Variants in GABRG2 observed in about 807,000 individuals in gnomAD.
The protein encoded by GABRG2 is gamma-aminobutyric acid receptor subunit gamma-2.
In GABRG2, 16 loss-of-function variants were observed where a neutral mutation model predicts 56.4. The observed-to-expected ratio is 0.28, with a 90% CI of 0.19 to 0.43. The LOEUF is 0.43. Among genes scored for constraint, GABRG2 ranks in the 20% least tolerant of loss-of-function variants. The pLI is 1.00. For missense variants in GABRG2, 327 were observed against 582.7 expected (o/e 0.56, Z 4.52); for synonymous variants, 208 against 205.5 (o/e 1.01, Z -0.10).
chr5:162,100,609 T>C (rs1381571691), intron 4 of GABRG2, among the ~76,000 whole-genome samples: 1 of 152,182 alleles, frequency 6.6e-6, no homozygotes, highest in Non-Finnish European at 1.5e-5. Context: ...ATTTTTCAAA[T>C]ATGTCTGTGT....
chr5:162,097,653 A>G lies in GABRG2; in HGVS notation c.343A>G (p.Ile115Val). The change falls in exon 4 of 10, where the codon ATA becomes GTA. Residue 115 changes from isoleucine to valine, a missense_variant. By Grantham distance (29) the Ile-to-Val change is conservative. Coordinates refer to ENST00000639213, the MANE Select transcript of GABRG2 (RefSeq NM_198904.4). ...NAINMEYTID[I>V]FFAQTWYDRR... Reference sequence around the variant, plus strand: ...ATTAAAACAGGAATACACTATTGATATATTTTTTGCGCAAACGTGGTATGA... The same window carrying G: ...ATTAAAACAGGAATACACTATTGATGTATTTTTTGCGCAAACGTGGTATGA... 1.2e-6 allele frequency: 2 copies of G among 1,612,092 alleles called. No homozygotes were observed. Among genetic ancestry groups the G allele is most frequent in the Non-Finnish European group, 1.7e-6 (2 of 1,178,388 alleles).
In GABRG2 at chr5:162,068,098, C is replaced by T. The variant is rs368162707; in HGVS notation, c.99C>T (p.Leu33=). 21 of 1,611,806 alleles carry T rather than the reference C, an allele frequency of 1.3e-5. No individual in the cohort carries two copies. The highest frequency in any genetic ancestry group is 1.6e-5 in the Non-Finnish European group (19 of 1,178,440). The stretch of plus-strand genomic sequence containing the variant: ...TGTGGATTCTGCTCCTGCTGTCGCT[C>T]TACCCTGGGTAAGATGTGCCCTTTT... The part of the protein sequence containing the change: ...MTVWILLLLS[L]YPGFTSQKSD... The change falls in exon 1 of 10, where the codon CTC becomes CTT. Residue 33 remains leucine, a synonymous_variant. Transcript: ENST00000639213.
chr5:162,098,845 C>T (rs191262713), intron 4 of GABRG2: 2 of 152,246 alleles, frequency 1.3e-5, no homozygotes, highest in East Asian at 3.9e-4. Flanking sequence ...CCCTGTACTG[C>T]CTCTCCCCCG....
chr5:162,074,575 TATA>T (rs1037522967), intron 1 of GABRG2, among the ~76,000 whole-genome samples: 1 of 152,008 alleles, frequency 6.6e-6, no homozygotes, highest in African/African-American at 2.4e-5. Context: ...ACAAGCTGAA[TATA>T]ATATGTCATT....
intron 6 of GABRG2, among the ~76,000 whole-genome samples, chr5:162,125,156 C>T (rs1013177387): frequency 6.6e-6 from 1 of 151,646 alleles, no homozygotes; most frequent in African/African-American, 2.4e-5. Flanking sequence ...AAAACAGAAA[C>T]TTTCACTTTC....
chr5:162,125,941 T>C (rs112675404), intron 6 of GABRG2, among the ~76,000 whole-genome samples: 2,452 of 152,030 alleles, frequency 0.016, 72 homozygotes, highest in African/African-American at 0.055. Flanking sequence ...ATGAAATAGA[T>C]ATTATGGAAA....
chr5:162,140,453 T>C (rs1030817504), intron 6 of GABRG2, among the ~76,000 whole-genome samples: 2 of 152,140 alleles, frequency 1.3e-5, no homozygotes, highest in African/African-American at 2.4e-5. Flanking sequence ...GGGGTGAAGC[T>C]TGAGAGTGGG....
At chr5:162,146,323 C>T (rs141806068) in intron 7 of GABRG2, among the ~76,000 whole-genome samples, 7 of 152,116 alleles carry the variant, frequency 4.6e-5, no homozygotes, top group African/African-American at 1.7e-4. Flanking sequence ...CTATCTTGAA[C>T]AAGTTTTTAT....
At chr5:162,074,111 A>AT (rs2113132985) in intron 1 of GABRG2, among the ~76,000 whole-genome samples, 1 of 152,082 alleles carries the variant, frequency 6.6e-6, no homozygotes, top group African/African-American at 2.4e-5. Context: ...TAGAGAATAA[A>AT]TTTCCTTTAA....
At chr5:162,133,004 C>A (rs1231960145) in intron 6 of GABRG2, among the ~76,000 whole-genome samples, 2 of 151,916 alleles carry the variant, frequency 1.3e-5, no homozygotes, top group African/African-American at 4.8e-5. Flanking sequence ...TATGTGAGCT[C>A]TAATAATGTA....
chr5:162,082,678 G>A (rs1382027381), intron 1 of GABRG2, among the ~76,000 whole-genome samples: 2 of 151,624 alleles, frequency 1.3e-5, no homozygotes, highest in Non-Finnish European at 3.0e-5. Flanking sequence ...ATGAGTGAAT[G>A]AACACAAATT....
rs758280295 is a variant in GABRG2 at position 162,101,213 on chromosome 5, TGTTTAATATCTTTC to T, written c.549-21_549-8del. The T allele has an allele frequency of 1.4e-6, 2 of 1,480,032 alleles. No homozygotes were observed. The highest frequency in any genetic ancestry group is 1.1e-5 in the South Asian group (1 of 88,340). The allele number at this position is 1,480,032 out of a possible 1,614,324, so 91.7% of individuals were successfully genotyped here. On this transcript the variant is annotated splice_region_variant and splice_polypyrimidine_tract_variant and intron_variant, in intron 4 of 9. Coordinates refer to ENST00000639213, the MANE Select transcript of GABRG2 (RefSeq NM_198904.4). Reference sequence around the variant, plus strand: ...AAAATTATGTCTAAAATCCATCTTATGTTTAATATCTTTCTACTTAGGTTGACAATTGATGCTGA... The same window carrying T: ...AAAATTATGTCTAAAATCCATCTTATTACTTAGGTTGACAATTGATGCTGA...
intron 9 of GABRG2, 64 bp from the exon 10 acceptor site, chr5:162,153,029 A>C: frequency 6.2e-7 from 1 of 1,600,580 alleles, no homozygotes; most frequent in Non-Finnish European, 8.6e-7. Flanking sequence ...ACATTGTGGA[A>C]AAACAGCCTA....
intron 9 of GABRG2, chr5:162,151,989 T>A (rs1765408865): frequency 4.8e-6 from 2 of 413,920 alleles, no homozygotes; most frequent in South Asian, 1.2e-4. Context: ...ATGTCATAGG[T>A]AAAGAAGGCT....
chr5:162,143,672 C>G (rs1443006890), intron 7 of GABRG2, among the ~76,000 whole-genome samples: 7 of 152,174 alleles, frequency 4.6e-5, no homozygotes, highest in Non-Finnish European at 8.8e-5. Context: ...GGTTTGACAT[C>G]ACACATTTAG....
chr5:162,149,445 C>A, intron 8 of GABRG2, 132 bp downstream of exon 8: 1 of 804,488 alleles, frequency 1.2e-6, no homozygotes, highest in Non-Finnish European at 2.1e-6. Flanking sequence ...TGAGTTTAGC[C>A]AGGCCATAAC....
At chr5:162,072,701 A>G (rs888754466) in intron 1 of GABRG2, among the ~76,000 whole-genome samples, 12 of 151,994 alleles carry the variant, frequency 7.9e-5, no homozygotes, top group African/African-American at 2.9e-4. Context: ...ACACACAAAC[A>G]CAAACACACA....
At chr5:162,115,322 C>T (rs1762541400) in intron 6 of GABRG2, among the ~76,000 whole-genome samples, 1 of 152,170 alleles carries the variant, frequency 6.6e-6, no homozygotes, top group African/African-American at 2.4e-5. Flanking sequence ...TTTAACATCT[C>T]TGTTACGAAG....
chr5:162,085,643 TG>T (rs887386396), intron 1 of GABRG2, among the ~76,000 whole-genome samples: 6 of 151,536 alleles, frequency 4.0e-5, no homozygotes, highest in African/African-American at 1.4e-4. Flanking sequence ...ACTTGTGTTA[TG>T]GGGGTTTGTT....
Sources: gnomAD v4.1 joint callset for allele counts (sites outside exome capture counted in the v4.1 genomes callset) on GRCh38, gnomAD v4.1.1 for gene constraint, MANE v1.5 for transcripts, NCBI Gene and HGNC (gene_info 2026-07-23, HGNC 2026-07-21) for gene names.